Variants in SHROOM2 observed in about 807,000 individuals in gnomAD.
SHROOM2 encodes the protein shroom family member 2, also known as protein Shroom2.
A neutral mutation model predicts 75.9 loss-of-function variants in SHROOM2; 33 were observed. The ratio of observed to expected loss-of-function variants is 0.43; its 90% CI spans 0.33 to 0.58. The LOEUF is 0.58. Among genes scored for constraint, SHROOM2 ranks in the 20% least tolerant of loss-of-function variants. SHROOM2 has a pLI of 0.04. For missense variants in SHROOM2, 1,434 were observed against 1,461.2 expected, an observed-to-expected ratio of 0.98 and a Z score of 0.30; for synonymous variants, 655 against 663.6, an observed-to-expected ratio of 0.99 and a Z score of 0.20.
At chrX:9,943,839 A>G (rs1024581104) in intron 8 of SHROOM2, among the ~76,000 whole-genome samples, 4 of 112,243 alleles carry the variant, frequency 3.6e-5, no homozygotes, top group African/African-American at 9.7e-5. Flanking sequence ...ATATGCTAGT[A>G]TTAGCAATTA....
intron 1 of SHROOM2, among the ~76,000 whole-genome samples, chrX:9,847,595 C>T (rs1290979542): frequency 8.9e-6 from 1 of 112,238 alleles, no homozygotes; most frequent in Non-Finnish European, 1.9e-5. Flanking sequence ...GGGAGAATAG[C>T]TTGCAAAACG....
chrX:9,818,642 T>C, intron 1 of SHROOM2: 1 of 349,267 alleles, frequency 2.9e-6, no homozygotes, highest in Non-Finnish European at 5.3e-6. Context: ...CCTGTATTTC[T>C]TATGTGTTCT....
intron 8 of SHROOM2, among the ~76,000 whole-genome samples, chrX:9,944,246 A>G: frequency 9.1e-6 from 1 of 110,186 alleles, no homozygotes; most frequent in East Asian, 2.8e-4. Context: ...GGTGCTGGAC[A>G]TAAGACTCAC....
At chrX:9,856,010 CTT>C (rs202204515) in intron 1 of SHROOM2, among the ~76,000 whole-genome samples, 1,245 of 96,336 alleles carry the variant, frequency 0.013, 18 homozygotes, top group African/African-American at 0.043. Flanking sequence ...TTTTTAAAGA[CTT>C]AAGAATGTTT....
intron 5 of SHROOM2, among the ~76,000 whole-genome samples, chrX:9,904,665 C>A (rs5979203): frequency 7.1e-5 from 8 of 112,206 alleles, no homozygotes; most frequent in African/African-American, 2.3e-4. Context: ...GCCTCTGGGC[C>A]GACCTTGGCT....
chrX:9,914,060 C>T (rs1345022623), intron 5 of SHROOM2, among the ~76,000 whole-genome samples: 1 of 78,433 alleles, frequency 1.3e-5, no homozygotes, highest in Non-Finnish European at 2.4e-5. Context: ...CCTGCGCCCA[C>T]CCCCCTGCCC....
chrX:9,867,103 G>A (rs1052380610), intron 1 of SHROOM2, among the ~76,000 whole-genome samples: 2 of 111,524 alleles, frequency 1.8e-5, no homozygotes, highest in Admixed American at 9.6e-5. Context: ...TCTCTTCAAC[G>A]AAGTATCAAC....
At chrX:9,873,517 C>A in intron 1 of SHROOM2, 135 bp from the exon 2 acceptor site, 1 of 674,171 alleles carries the variant, frequency 1.5e-6, no homozygotes, top group Non-Finnish European at 2.3e-6. Context: ...CCCTGATCCC[C>A]TGAGTGGTAA....
At position 9,945,589 on chromosome X, in the gene SHROOM2, G is replaced by A. The variant is rs187430325; in HGVS notation, c.4584+676G>A. On this transcript the variant is annotated intron_variant, in intron 9 of 9. Transcript: ENST00000380913. Reference sequence around the variant, plus strand: ...TTCTTAGAAAAATCATGTTGTTGTTGTTTTTACTTTTCTTTTACCATGTAT... The same window carrying A: ...TTCTTAGAAAAATCATGTTGTTGTTATTTTTACTTTTCTTTTACCATGTAT... Among the ~76,000 whole-genome samples, 4 of 111,732 alleles carry A rather than the reference G, an allele frequency of 3.6e-5. No homozygotes were observed. In the Admixed American group the frequency reaches 3.8e-4, roughly 11 times the overall value.
intron 1 of SHROOM2, among the ~76,000 whole-genome samples, chrX:9,795,698 C>A (rs1173837886): frequency 1.9e-5 from 2 of 106,705 alleles, no homozygotes; most frequent in Non-Finnish European, 3.9e-5. Context: ...GAAGCTGTTT[C>A]CCTGGGTATT....
At chrX:9,944,363 G>A (rs920589903) in intron 8 of SHROOM2, among the ~76,000 whole-genome samples, 2 of 111,816 alleles carry the variant, frequency 1.8e-5, no homozygotes, top group East Asian at 2.8e-4. Context: ...CTACCATGAC[G>A]AGCATCGGGG....
rs775740229 is a variant in SHROOM2 at position 9,818,436 on chromosome X, A to G, written c.165+31726A>G. The G allele has an allele frequency of 4.9e-4, 119 of 243,283 alleles. 2 individuals carry two copies. In the South Asian group the frequency reaches 6.3e-3, roughly 13 times the overall value. 20.0% of individuals were successfully genotyped at this position (243,283 alleles called of 1,213,427 possible). A position where few individuals can be genotyped will look rare whatever the true frequency, so the allele number is the denominator to read the frequency against. On this transcript the variant is annotated intron_variant, in intron 1 of 9. Transcript: ENST00000380913. ...TCTCTTTGGCAGGTTCTTTTGAGAC[A>G]TGTTTCTTAAAGGCCTTTTTCCGAC...
At chrX:9,929,744 A>T (rs1370798277) in intron 5 of SHROOM2, among the ~76,000 whole-genome samples, 1 of 111,629 alleles carries the variant, frequency 9.0e-6, no homozygotes, top group Non-Finnish European at 1.9e-5. Context: ...TGGTGATGTG[A>T]TATGGTTTGG....
At chrX:9,816,847 A>G (rs897045292) in intron 1 of SHROOM2, among the ~76,000 whole-genome samples, 1 of 111,752 alleles carries the variant, frequency 8.9e-6, no homozygotes, top group African/African-American at 3.3e-5. Flanking sequence ...ATTTCTGGTT[A>G]TATTTCAGAA....
rs1195072115 is a variant in SHROOM2, at chrX:9,884,124, G to GC, written c.318-6847dup. On this transcript the variant is annotated intron_variant, in intron 2 of 9. Coordinates refer to ENST00000380913, the MANE Select transcript of SHROOM2 (RefSeq NM_001649.4). ...GTATGTAATACCACCAACACCCCCC[G>GC]CCCCCCATCGCAGTTTCCAGGCAGG... is the stretch of plus-strand genomic sequence containing the variant. Among the ~76,000 whole-genome samples, 10 of 110,902 alleles carry GC rather than the reference G, an allele frequency of 9.0e-5. No individual in the cohort carries two copies. In the East Asian group the frequency reaches 2.3e-3, roughly 25 times the overall value.
chrX:9,837,153 C>G (rs963312245), intron 1 of SHROOM2, among the ~76,000 whole-genome samples: 1 of 112,535 alleles, frequency 8.9e-6, no homozygotes, highest in Non-Finnish European at 1.9e-5. Flanking sequence ...CCGTGCCACC[C>G]TGACAAGAGT....
chrX:9,936,659 G>A (rs1320964449), intron 6 of SHROOM2, among the ~76,000 whole-genome samples: 2 of 111,239 alleles, frequency 1.8e-5, no homozygotes, highest in Non-Finnish European at 3.8e-5. Context: ...CCGGAGAGGA[G>A]CCCTCCCCAG....
intron 5 of SHROOM2, among the ~76,000 whole-genome samples, chrX:9,917,381 TC>T (rs199936461): frequency 0.017 from 1,948 of 112,531 alleles, 60 homozygotes; most frequent in African/African-American, 0.059. Flanking sequence ...GTGAGACACT[TC>T]TAAACATTTC....
chrX:9,941,697 C>T (rs1363693961), intron 8 of SHROOM2, among the ~76,000 whole-genome samples: 7 of 110,685 alleles, frequency 6.3e-5, no homozygotes, highest in African/African-American at 2.0e-4. Flanking sequence ...AGCGGCCGGG[C>T]GCGGTGGCTC....
Sources: allele counts gnomAD v4.1 joint callset (sites outside exome capture counted in the v4.1 genomes callset), GRCh38; gene constraint gnomAD v4.1.1; transcripts MANE v1.5; gene names NCBI Gene and HGNC (gene_info 2026-07-23, HGNC 2026-07-21).